WIPI2: variants seen among roughly 807,000 people sequenced by gnomAD.
WIPI2 encodes WD repeat domain phosphoinositide-interacting protein 2.
A neutral mutation model predicts 52.3 loss-of-function variants in WIPI2; 28 were observed. The ratio of observed to expected loss-of-function variants is 0.54; its 90% CI spans 0.40 to 0.73. The LOEUF is 0.73. Ranked by LOEUF, WIPI2 falls within the 30% of genes least tolerant of loss-of-function variation. The pLI, the probability that WIPI2 is intolerant of heterozygous loss-of-function variation, is 0.00. For missense variants in WIPI2, 506 were observed against 602.9 expected (o/e 0.84, Z 1.68); for synonymous variants, 268 against 245.0 (o/e 1.09, Z -0.88).
At chr7:5,201,174 C>T (rs1055639369) in intron 3 of WIPI2, among the ~76,000 whole-genome samples, 3 of 152,236 alleles carry the variant, frequency 2.0e-5, no homozygotes, top group Non-Finnish European at 4.4e-5. Flanking sequence ...AGGGCAGCCC[C>T]GTCTCCAGGC....
At chr7:5,225,204 G>C (rs187615459) in intron 8 of WIPI2, among the ~76,000 whole-genome samples, 1 of 151,420 alleles carries the variant, frequency 6.6e-6, no homozygotes, top group South Asian at 2.1e-4. Flanking sequence ...GCAGTGGTGC[G>C]ATCTCAGCTC....
At chr7:5,216,883 C>T (rs554438763) in intron 5 of WIPI2, 4 of 701,462 alleles carry the variant, frequency 5.7e-6, no homozygotes, top group Middle Eastern at 3.8e-4. Context: ...CAGTTCAAAC[C>T]AAAGGCCTTT....
At chr7:5,220,711 A>T (rs1445591740) in intron 7 of WIPI2, among the ~76,000 whole-genome samples, 1 of 150,756 alleles carries the variant, frequency 6.6e-6, no homozygotes, top group African/African-American at 2.4e-5. Flanking sequence ...CCTGGACTCT[A>T]GTGTTTCTCC....
rs1783760511 is a variant in WIPI2 at position 5,232,288 on chromosome 7, C to T, written c.*1341C>T. On this transcript the variant is annotated 3_prime_UTR_variant, in exon 13 of 13. Transcript: ENST00000288828. ...CCTGTTTCCAGATGGTTGTCATGGTCACGCTGGGCGAAGAGCTGGAGGGGA... is the reference window on the plus strand; with the variant it reads ...CCTGTTTCCAGATGGTTGTCATGGTTACGCTGGGCGAAGAGCTGGAGGGGA... The T allele has an allele frequency of 2.5e-6, 1 of 398,650 alleles. No individual in the cohort carries two copies. Among genetic ancestry groups the T allele is most frequent in the Non-Finnish European group, 4.4e-6 (1 of 226,078 alleles). The allele number at this position is 398,650 out of a possible 1,614,324, so 24.7% of individuals were successfully genotyped here.
At chr7:5,229,004 C>T (rs1360693262) in intron 11 of WIPI2, among the ~76,000 whole-genome samples, 2 of 152,010 alleles carry the variant, frequency 1.3e-5, no homozygotes, top group Non-Finnish European at 2.9e-5. Flanking sequence ...AGGAGTGAGC[C>T]GCTGCACCTA....
chr7:5,190,525 T>C, intron 1 of WIPI2, 32 bp downstream of exon 1: 1 of 1,468,228 alleles, frequency 6.8e-7, no homozygotes, highest in Non-Finnish European at 9.1e-7. Context: ...GGAGTCGGGG[T>C]GAGGCCAGGG....
intron 2 of WIPI2, among the ~76,000 whole-genome samples, chr7:5,197,886 C>T (rs780548252): frequency 2.6e-5 from 4 of 152,144 alleles, no homozygotes; most frequent in African/African-American, 9.7e-5. Context: ...CCTGCTTGTT[C>T]GCTCATCTTT....
chr7:5,204,143 A>T (rs920059929), intron 3 of WIPI2, among the ~76,000 whole-genome samples: 2 of 152,178 alleles, frequency 1.3e-5, no homozygotes, highest in Non-Finnish European at 2.9e-5. Context: ...TGTTCTGGGT[A>T]TGCGGGTTCC....
At chr7:5,205,454 A>G (rs767760629) in intron 3 of WIPI2, among the ~76,000 whole-genome samples, 24 of 152,306 alleles carry the variant, frequency 1.6e-4, no homozygotes, top group Middle Eastern at 3.4e-3. Context: ...GGTTTCAGCG[A>G]CGTTAGAGAT....
chr7:5,203,172 T>C (rs1782114742), intron 3 of WIPI2, among the ~76,000 whole-genome samples: 1 of 152,160 alleles, frequency 6.6e-6, no homozygotes, highest in Admixed American at 6.5e-5. Context: ...CATCTTAAGG[T>C]TTGAGAAATG....
At chr7:5,201,668 C>G (rs1782035142) in intron 3 of WIPI2, among the ~76,000 whole-genome samples, 1 of 152,224 alleles carries the variant, frequency 6.6e-6, no homozygotes, top group African/African-American at 2.4e-5. Context: ...ATCACTTGAA[C>G]CCAGGAGGCA....
chr7:5,194,538 T>C (rs1781647492), intron 2 of WIPI2, among the ~76,000 whole-genome samples: 1 of 152,242 alleles, frequency 6.6e-6, no homozygotes, highest in Admixed American at 6.5e-5. Context: ...TTAAAAATGA[T>C]GGATCAAACA....
chr7:5,204,912 G>A (rs1020374973), intron 3 of WIPI2, among the ~76,000 whole-genome samples: 4 of 152,154 alleles, frequency 2.6e-5, no homozygotes, highest in Non-Finnish European at 4.4e-5. Flanking sequence ...GTGGGCTCAG[G>A]CCATCTTCCT....
intron 7 of WIPI2, among the ~76,000 whole-genome samples, chr7:5,222,154 G>A (rs185922625): frequency 6.6e-6 from 1 of 152,228 alleles, no homozygotes; most frequent in Non-Finnish European, 1.5e-5. Flanking sequence ...TCTCCATGTT[G>A]GTCAGGCTGG....
intron 3 of WIPI2, among the ~76,000 whole-genome samples, chr7:5,201,325 A>G (rs557209873): frequency 5.0e-4 from 76 of 152,378 alleles, no homozygotes; most frequent in African/African-American, 1.8e-3. Context: ...GCTTATAAAG[A>G]GTGGAAGAAT....
Position 5,230,971 on chromosome 7 carries a change from G to C in WIPI2, c.*24G>C. 6.3e-7 allele frequency: 1 copy of C among 1,592,104 alleles called. No homozygotes were observed. The highest frequency in any genetic ancestry group is 8.6e-7 in the Non-Finnish European group (1 of 1,165,962). The stretch of plus-strand genomic sequence containing the variant: ...GAACTTGACCTGTGACCTCTGACCC[G>C]GGGAGCAGAGAACACTGGCTTCACA... On this transcript the variant is annotated 3_prime_UTR_variant, in exon 13 of 13. Coordinates refer to ENST00000288828, the MANE Select transcript of WIPI2 (RefSeq NM_015610.4). This position sits in a 1 kb window ranked among gnomAD's most constrained non-coding sequence, Gnocchi z 4.8.
intron 2 of WIPI2, among the ~76,000 whole-genome samples, chr7:5,196,939 C>A (rs979709364): frequency 2.0e-5 from 3 of 151,544 alleles, no homozygotes; most frequent in African/African-American, 7.3e-5. Context: ...TGGTAAAACC[C>A]CATCTCTACT....
chr7:5,193,587 G>C (rs1406736466), intron 2 of WIPI2, among the ~76,000 whole-genome samples: 2 of 152,170 alleles, frequency 1.3e-5, no homozygotes, highest in African/African-American at 4.8e-5. Flanking sequence ...TTTTGTTTTT[G>C]AGATGGAGTC....
chr7:5,202,026 C>A (rs1367903643), intron 3 of WIPI2, among the ~76,000 whole-genome samples: 5 of 151,920 alleles, frequency 3.3e-5, no homozygotes, highest in Non-Finnish European at 7.4e-5. Flanking sequence ...TGTTTTCTAG[C>A]ATTTTTCTAT....
Sources: allele counts gnomAD v4.1 joint callset (sites outside exome capture counted in the v4.1 genomes callset), GRCh38; gene constraint gnomAD v4.1.1; non-coding constraint Gnocchi (gnomAD v3.1); transcripts MANE v1.5; gene names NCBI Gene and HGNC (gene_info 2026-07-23, HGNC 2026-07-21).